INTS15: variants seen among roughly 807,000 people sequenced by gnomAD.
INTS15 encodes integrator complex subunit 15.
At chr7:6,608,149 G>T in the INTS15 span, 1 of 1,565,458 alleles carries the variant, frequency 6.4e-7, no homozygotes. Context: ...TTCCCTTCAG[G>T]CCCATCCGCT....
chr7:6,603,781 G>T, the INTS15 span, among the ~76,000 whole-genome samples: 8 of 152,166 alleles, frequency 5.3e-5, no homozygotes, highest in Non-Finnish European at 1.2e-4. Flanking sequence ...AGAAGTTGTA[G>T]TGAGCCAAGA....
At chr7:6,598,787 A>ATTT in the INTS15 span, among the ~76,000 whole-genome samples, 1 of 70,668 alleles carries the variant, frequency 1.4e-5, no homozygotes, top group Non-Finnish European at 2.9e-5. Context: ...GTGTGTGTGT[A>ATTT]TTTTTTTTTT....
the INTS15 span, among the ~76,000 whole-genome samples, chr7:6,596,342 C>G: frequency 6.7e-6 from 1 of 150,098 alleles, no homozygotes; most frequent in Admixed American, 6.7e-5. Context: ...GCGTGAGCCA[C>G]TGCGCCCAGC....
the INTS15 span, among the ~76,000 whole-genome samples, chr7:6,605,304 T>TG: frequency 6.6e-6 from 1 of 152,118 alleles, no homozygotes; most frequent in Non-Finnish European, 1.5e-5. Context: ...TTCCTTTTTT[T>TG]GGTCTGGGTT....
chr7:6,605,991 G>A, the INTS15 span, among the ~76,000 whole-genome samples: 1 of 151,812 alleles, frequency 6.6e-6, no homozygotes, highest in Middle Eastern at 3.4e-3. Context: ...GAGCCACCAC[G>A]CCTGGCCTAC....
chr7:6,597,107 C>G, the INTS15 span, among the ~76,000 whole-genome samples: 11 of 152,148 alleles, frequency 7.2e-5, no homozygotes, highest in Non-Finnish European at 1.3e-4. Flanking sequence ...TCTTCTTTTC[C>G]TAGCAGTTTC....
chr7:6,598,220 AG>A, the INTS15 span, among the ~76,000 whole-genome samples: 1 of 152,180 alleles, frequency 6.6e-6, no homozygotes, highest in East Asian at 1.9e-4. Flanking sequence ...CTGTAATACC[AG>A]CACTTTGGGA....
At chr7:6,605,767 C>T in the INTS15 span, among the ~76,000 whole-genome samples, 1 of 151,678 alleles carries the variant, frequency 6.6e-6, no homozygotes, top group African/African-American at 2.4e-5. Context: ...GGTGTGATCT[C>T]GGCTCACTGC....
the INTS15 span, among the ~76,000 whole-genome samples, chr7:6,592,596 T>C: frequency 1.3e-5 from 2 of 149,822 alleles, no homozygotes; most frequent in Non-Finnish European, 3.0e-5. Flanking sequence ...TAAATTAGGG[T>C]GTGTTTTTTT....
the INTS15 span, chr7:6,599,797 A>T: frequency 6.3e-7 from 1 of 1,598,696 alleles, no homozygotes; most frequent in Non-Finnish European, 8.6e-7. Flanking sequence ...CGAGGCCAAG[A>T]GTGCTCCTGA....
chr7:6,607,364 C>T, the INTS15 span, among the ~76,000 whole-genome samples: 5 of 136,770 alleles, frequency 3.7e-5, no homozygotes, highest in Non-Finnish European at 6.2e-5. This position sits in a 1 kb window ranked among gnomAD's most constrained non-coding sequence, Gnocchi z 6.0. Context: ...CAGCTGTTCT[C>T]GGAGCCCCGG....
the INTS15 span, among the ~76,000 whole-genome samples, chr7:6,601,649 C>A: frequency 6.2e-5 from 9 of 145,348 alleles, no homozygotes; most frequent in African/African-American, 2.3e-4. Flanking sequence ...TCAGATTCTT[C>A]TTTTTTCTTT....
At chr7:6,592,595 G>T in the INTS15 span, among the ~76,000 whole-genome samples, 2 of 151,652 alleles carry the variant, frequency 1.3e-5, no homozygotes, top group Non-Finnish European at 1.5e-5. Context: ...TTAAATTAGG[G>T]TGTGTTTTTT....
At chr7:6,608,072 G>GCC in the INTS15 span, 4 of 1,580,430 alleles carry the variant, frequency 2.5e-6, no homozygotes, top group South Asian at 1.1e-5. Flanking sequence ...GGCTGTCCCG[G>GCC]CCCACCCCGC....
chr7:6,591,657 C>T, the INTS15 span: 3 of 1,614,076 alleles, frequency 1.9e-6, no homozygotes, highest in Non-Finnish European at 2.5e-6. Flanking sequence ...GACTGAATTC[C>T]CTTCAGGAGC....
chr7:6,600,214 G>A, the INTS15 span: 20 of 1,614,092 alleles, frequency 1.2e-5, no homozygotes, highest in South Asian at 1.9e-4. Flanking sequence ...TCGACCACAT[G>A]GTCCCGCTGG....
At chr7:6,590,361 C>T in the INTS15 span, 30 of 1,606,946 alleles carry the variant, frequency 1.9e-5, no homozygotes, top group Middle Eastern at 5.8e-4. Context: ...ACCTGGACAT[C>T]TACTTCAGCA....
At chr7:6,592,851 C>T in the INTS15 span, among the ~76,000 whole-genome samples, 1 of 152,026 alleles carries the variant, frequency 6.6e-6, no homozygotes, top group African/African-American at 2.4e-5. Flanking sequence ...GTCAAGCGAT[C>T]CTCCTGCCTC....
chr7:6,593,649 GTTT>G, the INTS15 span, among the ~76,000 whole-genome samples: 52 of 130,724 alleles, frequency 4.0e-4, no homozygotes, highest in African/African-American at 1.3e-3. Flanking sequence ...GTGTTTTTCT[GTTT>G]TTTTTTTTTT....
Sources: allele counts gnomAD v4.1 joint callset (sites outside exome capture counted in the v4.1 genomes callset), GRCh38; gene constraint gnomAD v4.1.1; non-coding constraint Gnocchi (gnomAD v3.1); transcripts MANE v1.5; gene names NCBI Gene and HGNC (gene_info 2026-07-23, HGNC 2026-07-21).